Variants in LRRC75A observed in about 807,000 individuals in gnomAD.
LRRC75A encodes leucine-rich repeat-containing protein 75A.
Under a neutral mutation model 26.0 loss-of-function variants are expected in LRRC75A, and 12 were observed. The observed-to-expected ratio is 0.46, with a 90% CI of 0.30 to 0.75. LRRC75A has a LOEUF of 0.75. Among genes scored for constraint, LRRC75A ranks in the 30% least tolerant of loss-of-function variants. LRRC75A has a pLI of 0.08. For missense variants in LRRC75A, 410 were observed against 486.6 expected, an observed-to-expected ratio of 0.84 and a Z score of 1.48; for synonymous variants, 223 against 219.3, an observed-to-expected ratio of 1.02 and a Z score of -0.15.
chr17:16,441,729 T>A lies in LRRC75A; in HGVS notation c.*1859A>T. 5.3e-5 allele frequency: 11 copies of A among 209,444 alleles called. No homozygotes were observed. The highest frequency in any genetic ancestry group is 1.3e-4 in the East Asian group (1 of 7,740). The allele number at this position is 209,444 out of a possible 1,614,324, so 13.0% of individuals were successfully genotyped here. A position where few individuals can be genotyped will look rare whatever the true frequency, so the allele number is the denominator to read the frequency against. The stretch of plus-strand genomic sequence containing the variant: ...CAGCTCACAGCACACCTGGCTAAAA[T>A]TTTTTTTTTGTTGAGACGGATTCTC... On this transcript the variant is annotated 3_prime_UTR_variant, in exon 4 of 4. Coordinates refer to ENST00000470794, the MANE Select transcript of LRRC75A (RefSeq NM_001113567.3).
chr17:16,456,829 C>T (rs1171579822), intron 2 of LRRC75A, among the ~76,000 whole-genome samples: 8 of 152,242 alleles, frequency 5.3e-5, no homozygotes, highest in Non-Finnish European at 5.9e-5. Flanking sequence ...GCAGCAGAAT[C>T]CTAACCCGCC....
At chr17:16,473,821 C>T (rs535286450) in intron 1 of LRRC75A, among the ~76,000 whole-genome samples, 30 of 152,280 alleles carry the variant, frequency 2.0e-4, no homozygotes, top group African/African-American at 6.3e-4. Context: ...TCGACGGTGA[C>T]GAGTGTTGCC....
chr17:16,464,353 G>T (rs563563573), intron 1 of LRRC75A, among the ~76,000 whole-genome samples: 1 of 152,172 alleles, frequency 6.6e-6, no homozygotes, highest in Admixed American at 6.5e-5. Context: ...TACAATACCC[G>T]CCTTTGACCT....
At chr17:16,465,569 A>G (rs538116251) in intron 1 of LRRC75A, among the ~76,000 whole-genome samples, 2 of 152,350 alleles carry the variant, frequency 1.3e-5, no homozygotes, top group African/African-American at 4.8e-5. Context: ...GCCCTGGACC[A>G]GATGACTGCC....
intron 1 of LRRC75A, among the ~76,000 whole-genome samples, chr17:16,481,936 G>A (rs951230253): frequency 3.4e-4 from 52 of 152,110 alleles, no homozygotes; most frequent in African/African-American, 1.1e-3. Flanking sequence ...GTCCGCATAC[G>A]CAGAGGACTC....
chr17:16,488,272 T>C (rs1381086268), intron 1 of LRRC75A, among the ~76,000 whole-genome samples: 2 of 152,238 alleles, frequency 1.3e-5, no homozygotes, highest in Non-Finnish European at 2.9e-5. Context: ...GCCTCTCCCA[T>C]CCAAAGCTGG....
At chr17:16,484,963 T>TAA (rs56383905) in intron 1 of LRRC75A, among the ~76,000 whole-genome samples, 3,021 of 123,908 alleles carry the variant, frequency 0.024, 94 homozygotes, top group African/African-American at 0.081. Context: ...TAATAAAAGT[T>TAA]AAAAAAAAAA....
In LRRC75A at chr17:16,442,953, C is replaced by G. The variant is rs1333538535; in HGVS notation, c.*635G>C. 7 of 152,338 alleles carry G rather than the reference C, an allele frequency of 4.6e-5. No homozygotes were observed. The highest frequency in any genetic ancestry group is 1.7e-4 in the African/African-American group (7 of 41,454). The allele number at this position is 152,338 out of a possible 1,614,324, so 9.4% of individuals were successfully genotyped here. On this transcript the variant is annotated 3_prime_UTR_variant, in exon 4 of 4. Transcript: ENST00000470794. ...CACTACCACATGGCATCGTAGGCTG[C>G]TCTGTCAAAGGATATAGCGATAGCT...
At chr17:16,484,576 C>T (rs1477600565) in intron 1 of LRRC75A, among the ~76,000 whole-genome samples, 2 of 152,116 alleles carry the variant, frequency 1.3e-5, no homozygotes, top group Admixed American at 1.3e-4. Flanking sequence ...CCCACCTTCC[C>T]GCTGGCAAAG....
At position 16,443,384 on chromosome 17, in the gene LRRC75A, TA is replaced by T. The variant is rs2093550818; in HGVS notation, c.*203del. ...AAGAACCAAATGGCAGATAATGGGA[TA>T]GGGGGCAGATGCAGAGGACCAACGG... On this transcript the variant is annotated 3_prime_UTR_variant, in exon 4 of 4. Transcript: ENST00000470794. The T allele has an allele frequency of 3.7e-6, 2 of 536,038 alleles. No homozygotes were observed. Among genetic ancestry groups the T allele is most frequent in the African/African-American group, 1.9e-5 (1 of 53,096 alleles). 33.2% of individuals were successfully genotyped at this position (536,038 alleles called of 1,614,324 possible).
intron 3 of LRRC75A, chr17:16,446,883 G>C: frequency 2.6e-6 from 1 of 379,550 alleles, no homozygotes; most frequent in Non-Finnish European, 5.2e-6. Context: ...GCCTTACACT[G>C]TTCATCCACC....
At chr17:16,465,008 A>G (rs1004569131) in intron 1 of LRRC75A, among the ~76,000 whole-genome samples, 1 of 152,186 alleles carries the variant, frequency 6.6e-6, no homozygotes, top group Non-Finnish European at 1.5e-5. Context: ...CTGGAGAAGG[A>G]GGGCAGATGA....
intron 1 of LRRC75A, among the ~76,000 whole-genome samples, chr17:16,477,949 C>T (rs542545032): frequency 4.6e-5 from 7 of 151,856 alleles, no homozygotes; most frequent in East Asian, 3.9e-4. Context: ...GTGGGAGTGG[C>T]GGTGGGTGAG....
intron 2 of LRRC75A, among the ~76,000 whole-genome samples, chr17:16,456,212 GGA>G: frequency 9.6e-6 from 1 of 104,604 alleles, no homozygotes; most frequent in Non-Finnish European, 2.0e-5. Flanking sequence ...AAGAGGAGGA[GGA>G]AGAGGAGGAA....
rs769521255 is a variant in LRRC75A, at chr17:16,443,861, A to C, written c.762T>G (p.Leu254=). Residue 254 remains leucine (L), a synonymous_variant, in exon 4 of 4, where the codon CTT becomes CTG. Transcript: ENST00000470794. ...CATTGGGGAACTTGCTGGGATCCTT[A>C]AGGATGTCAGTGAGGTCGCGCAGCA... ...RAVLRDLTDI[L]KDPSKFPNVT... is the part of the protein sequence containing the mutation. The C allele has an allele frequency of 6.2e-7, 1 of 1,613,818 alleles. No individual in the cohort carries two copies. The highest frequency in any genetic ancestry group is 1.1e-5 in the South Asian group (1 of 91,086).
At chr17:16,477,012 A>T (rs2093822501) in intron 1 of LRRC75A, among the ~76,000 whole-genome samples, 1 of 152,150 alleles carries the variant, frequency 6.6e-6, no homozygotes, top group East Asian at 1.9e-4. Flanking sequence ...TGCTGGGATT[A>T]CAGGCGTGAG....
intron 3 of LRRC75A, 46 bp from the exon 4 acceptor site, chr17:16,444,177 C>CCTG: frequency 6.8e-7 from 1 of 1,470,752 alleles, no homozygotes; most frequent in Non-Finnish European, 9.1e-7. Context: ...TAGGGCAGGC[C>CCTG]TTTCCCCCAG....
rs1003787033 is a variant in LRRC75A, at chr17:16,491,340, C to G, written c.246+405G>C. Among the ~76,000 whole-genome samples, 7 of 152,350 alleles carry G rather than the reference C, an allele frequency of 4.6e-5. No homozygotes were observed. Among genetic ancestry groups the G allele is most frequent in the African/African-American group, 1.7e-4 (7 of 41,586 alleles). On this transcript the variant is annotated intron_variant, in intron 1 of 3. Coordinates refer to ENST00000470794, the MANE Select transcript of LRRC75A (RefSeq NM_001113567.3). This position sits in a 1 kb window ranked among gnomAD's most constrained non-coding sequence, Gnocchi z 5.9. ...AGCCAAGCCAGGTCCAACTGATAAC[C>G]GCATTCCTTGAGGACCCTCGGCCGG...
chr17:16,458,356 C>CT (rs1447421079), intron 2 of LRRC75A, among the ~76,000 whole-genome samples: 3 of 152,140 alleles, frequency 2.0e-5, no homozygotes, highest in African/African-American at 7.2e-5. Context: ...ATTATGGCTT[C>CT]TATATTATCA....
Sources: gnomAD v4.1 joint callset for allele counts (sites outside exome capture counted in the v4.1 genomes callset) on GRCh38, gnomAD v4.1.1 for gene constraint, Gnocchi (gnomAD v3.1) non-coding constraint, MANE v1.5 for transcripts, NCBI Gene and HGNC (gene_info 2026-07-23, HGNC 2026-07-21) for gene names.